The following FHIT variants were observed in gnomAD, a reference collection of about 807,000 sequenced individuals.
FHIT encodes the protein fragile histidine triad diadenosine triphosphatase.
Under a neutral mutation model 17.9 loss-of-function variants are expected in FHIT, and 19 were observed. The observed-to-expected ratio is 1.06, with a 90% CI of 0.74 to 1.56. FHIT has a LOEUF of 1.56. Ranked by LOEUF, FHIT falls within the 40% of genes most tolerant of loss-of-function variation. The pLI is 0.00. For synonymous variants in FHIT, 81 were observed against 69.7 expected, an observed-to-expected ratio of 1.16 and a Z score of -0.81; for missense variants, 248 against 189.2, an observed-to-expected ratio of 1.31 and a Z score of -1.82.
At chr3:60,077,361 T>G (rs1485154397) in intron 5 of FHIT, 2 of 151,888 alleles carry the variant, frequency 1.3e-5, no homozygotes, top group East Asian at 3.9e-4. Context: ...CCACTATAAA[T>G]TAGCATACCT....
chr3:60,279,545 C>T lies in FHIT; in HGVS notation c.103+257315G>A, dbSNP rs559173834. ...GATAGGTAAAGCAGAGGGAACACTT[C>T]CTAAGTCATTATGTTATACCAGCAT... On this transcript the variant is annotated intron_variant, in intron 5 of 9. Coordinates refer to ENST00000492590, the MANE Select transcript of FHIT (RefSeq NM_002012.4). Among the ~76,000 whole-genome samples, 9 of 152,188 alleles carry T rather than the reference C, an allele frequency of 5.9e-5. No homozygotes were observed. The South Asian group carries it at 1.9e-3, about 32-fold the overall frequency.
chr3:59,901,259 A>C (rs9823903), intron 8 of FHIT, among the ~76,000 whole-genome samples: 9,037 of 152,218 alleles, frequency 0.059, 627 homozygotes, highest in African/African-American at 0.17. Flanking sequence ...TAGGTTTTAA[A>C]ATTTCAGCTT....
In FHIT at chr3:59,988,199, C is replaced by T. The variant is rs555818917; in HGVS notation, c.279+23172G>A. On this transcript the variant is annotated intron_variant, in intron 7 of 9. Coordinates refer to ENST00000492590, the MANE Select transcript of FHIT (RefSeq NM_002012.4). Reference sequence around the variant, plus strand: ...AGCAAGAGATACTGCAGGTCACCTTCAGTGCTGAATATTCCAAAGTTAACT... The same window carrying T: ...AGCAAGAGATACTGCAGGTCACCTTTAGTGCTGAATATTCCAAAGTTAACT... Among the ~76,000 whole-genome samples, 8 of 152,210 alleles carry T rather than the reference C, an allele frequency of 5.3e-5. No individual in the cohort carries two copies. The South Asian group carries it at 1.7e-3, about 32-fold the overall frequency.
chr3:60,478,343 G>A (rs7627398), intron 5 of FHIT, among the ~76,000 whole-genome samples: 75,093 of 151,916 alleles, frequency 0.49, 20,553 homozygotes, highest in African/African-American at 0.72. Flanking sequence ...CCAATGTATC[G>A]GGGAATAATC....
chr3:60,182,437 T>A (rs1701978239), intron 5 of FHIT, among the ~76,000 whole-genome samples: 1 of 152,186 alleles, frequency 6.6e-6, no homozygotes, highest in African/African-American at 2.4e-5. Context: ...AGGTTGCATC[T>A]AGTCACTAGG....
intron 4 of FHIT, among the ~76,000 whole-genome samples, chr3:60,579,442 CTG>C (rs1380884512): frequency 6.6e-6 from 1 of 152,106 alleles, no homozygotes; most frequent in African/African-American, 2.4e-5. Flanking sequence ...TGGTGCATGA[CTG>C]TATGTGAACA....
intron 1 of FHIT, among the ~76,000 whole-genome samples, chr3:61,231,844 T>C (rs1206726848): frequency 2.0e-5 from 3 of 152,192 alleles, no homozygotes; most frequent in Admixed American, 2.0e-4. Flanking sequence ...AGGAACTACA[T>C]GAGCCATACA....
chr3:60,304,885 T>C (rs73836717), intron 5 of FHIT, among the ~76,000 whole-genome samples: 4,979 of 152,218 alleles, frequency 0.033, 274 homozygotes, highest in African/African-American at 0.11. Flanking sequence ...TATTAAAATC[T>C]CTGAATCTAA....
chr3:61,213,656 C>T (rs1192007270), intron 1 of FHIT, among the ~76,000 whole-genome samples: 1 of 152,154 alleles, frequency 6.6e-6, no homozygotes, highest in South Asian at 2.1e-4. Context: ...CCAAGCAGAC[C>T]TAATAGACAT....
intron 5 of FHIT, among the ~76,000 whole-genome samples, chr3:60,449,967 C>G (rs2031613029): frequency 7.2e-6 from 1 of 138,630 alleles, no homozygotes; most frequent in Non-Finnish European, 1.5e-5. Context: ...CGGGGCACTG[C>G]ACTCCAGCCT....
At chr3:59,859,250 C>G (rs1702307002) in intron 8 of FHIT, among the ~76,000 whole-genome samples, 2 of 152,158 alleles carry the variant, frequency 1.3e-5, no homozygotes, top group South Asian at 4.1e-4. Flanking sequence ...ATGTGATATG[C>G]TGAGAAGAGC....
chr3:60,041,885 A>G (rs994230007), intron 5 of FHIT, among the ~76,000 whole-genome samples: 8 of 152,258 alleles, frequency 5.3e-5, no homozygotes, highest in Non-Finnish European at 1.0e-4. Flanking sequence ...TCATGTTTCC[A>G]TGAATATCTC....
At chr3:60,101,326 C>T (rs73831586) in intron 5 of FHIT, among the ~76,000 whole-genome samples, 1 of 152,346 alleles carries the variant, frequency 6.6e-6, no homozygotes, top group African/African-American at 2.4e-5. Flanking sequence ...TCCCTCACAC[C>T]TCCTGCACCC....
chr3:59,957,898 C>A (rs548635183), intron 7 of FHIT, among the ~76,000 whole-genome samples: 27 of 152,266 alleles, frequency 1.8e-4, no homozygotes, highest in African/African-American at 6.5e-4. Context: ...GACATGACAG[C>A]AAAACTAGAA....
chr3:60,860,970 AT>A (rs1703775107), intron 3 of FHIT, among the ~76,000 whole-genome samples: 1 of 99,694 alleles, frequency 1.0e-5, no homozygotes, highest in African/African-American at 3.8e-5. Flanking sequence ...CGTATATATC[AT>A]GTATATATGA....
At chr3:60,401,815 A>G (rs1424398361) in intron 5 of FHIT, among the ~76,000 whole-genome samples, 1 of 152,180 alleles carries the variant, frequency 6.6e-6, no homozygotes, top group Non-Finnish European at 1.5e-5. Flanking sequence ...TAAATTTCAA[A>G]TGAGTCTTGA....
chr3:60,284,937 G>A (rs948480600), intron 5 of FHIT, among the ~76,000 whole-genome samples: 3 of 151,998 alleles, frequency 2.0e-5, no homozygotes, highest in Non-Finnish European at 2.9e-5. Flanking sequence ...TTTGATTATT[G>A]TACCACCACT....
chr3:60,582,528 C>T (rs2037780431), intron 4 of FHIT, among the ~76,000 whole-genome samples: 1 of 152,098 alleles, frequency 6.6e-6, no homozygotes, highest in South Asian at 2.1e-4. Flanking sequence ...GCGGATACAA[C>T]CTTCTTAACA....
intron 5 of FHIT, among the ~76,000 whole-genome samples, chr3:60,159,896 G>A (rs537285469): frequency 1.1e-4 from 16 of 152,252 alleles, no homozygotes; most frequent in African/African-American, 1.4e-4. Context: ...GAAACACTCC[G>A]CTCAATGCGT....
Sources: gnomAD v4.1 joint callset for allele counts (sites outside exome capture counted in the v4.1 genomes callset) on GRCh38, gnomAD v4.1.1 for gene constraint, MANE v1.5 for transcripts, NCBI Gene and HGNC (gene_info 2026-07-23, HGNC 2026-07-21) for gene names.